IDO2: variants seen among roughly 807,000 people sequenced by gnomAD.
The protein encoded by IDO2 is indoleamine 2,3-dioxygenase 2.
IDO2 carries 46 observed loss-of-function variants against 45.1 expected under a neutral mutation model. The observed-to-expected ratio is 1.02, with a 90% CI of 0.80 to 1.30. The LOEUF is 1.30. Among genes scored for constraint, IDO2 ranks in the 50% most tolerant of loss-of-function variants. IDO2 has a pLI of 0.00. For synonymous variants in IDO2, 218 were observed against 184.9 expected, an observed-to-expected ratio of 1.18 and a Z score of -1.45; for missense variants, 544 against 491.8, an observed-to-expected ratio of 1.11 and a Z score of -1.00.
At chr8:39,973,961 A>G (rs929572864) in intron 3 of IDO2, among the ~76,000 whole-genome samples, 3 of 152,076 alleles carry the variant, frequency 2.0e-5, no homozygotes, top group Non-Finnish European at 4.4e-5. Flanking sequence ...GCTGGTCTTG[A>G]ATTCCTGACC....
intron 2 of IDO2, among the ~76,000 whole-genome samples, chr8:39,962,524 A>T (rs1351569518): frequency 6.6e-6 from 1 of 152,178 alleles, no homozygotes; most frequent in Admixed American, 6.5e-5. Flanking sequence ...TTGATGCAGG[A>T]TTTTCTGCTC....
chr8:39,961,904 A>G (rs1192026263), intron 2 of IDO2, among the ~76,000 whole-genome samples: 1 of 152,192 alleles, frequency 6.6e-6, no homozygotes, highest in East Asian at 1.9e-4. Context: ...GCACTGAGAA[A>G]AAGAGCCTCA....
rs563356827 is a variant in IDO2 at position 39,967,249 on chromosome 8, G to A, written c.195+3546G>A. 3.3e-5 allele frequency among the ~76,000 whole-genome samples: 5 copies of A among 152,204 alleles called. No individual in the cohort carries two copies. In the East Asian group the frequency reaches 9.6e-4, roughly 29 times the overall value. On this transcript the variant is annotated intron_variant, in intron 3 of 10. Transcript: ENST00000502986. ...CCATAAGCAGATGGGTGGAGGAAAA[G>A]TAAAACTTCCAACATATAAGCACAA...
intron 5 of IDO2, among the ~76,000 whole-genome samples, chr8:39,983,626 G>T (rs1447221610): frequency 6.6e-6 from 1 of 152,152 alleles, no homozygotes; most frequent in Non-Finnish European, 1.5e-5. Flanking sequence ...CACTTTGGGA[G>T]GCTGAGGCAG....
intron 2 of IDO2, among the ~76,000 whole-genome samples, chr8:39,957,638 C>T (rs1563427090): frequency 1.3e-5 from 2 of 152,026 alleles, no homozygotes; most frequent in South Asian, 2.1e-4. Flanking sequence ...AAAATAAAAC[C>T]TTGATAGTTT....
Position 39,973,834 on chromosome 8 carries a change from C to T in IDO2, c.196-5233C>T, listed in dbSNP as rs1019695939. Among the ~76,000 whole-genome samples the T allele has an allele frequency of 3.3e-5, 5 of 151,756 alleles. No individual in the cohort carries two copies. The East Asian group carries it at 7.8e-4, about 24-fold the overall frequency. ...TCGGCTCACTGCAACCTCCACTTCC[C>T]GGGTTCAAGCGATTCTCCTGCCTCA... On this transcript the variant is annotated intron_variant, in intron 3 of 10. Coordinates refer to ENST00000502986, the Ensembl canonical transcript of IDO2.
chr8:40,010,481 G>A (rs1802294437), intron 9 of IDO2, among the ~76,000 whole-genome samples: 1 of 152,176 alleles, frequency 6.6e-6, no homozygotes, highest in Admixed American at 6.5e-5. Context: ...GCCTTCAGTT[G>A]CAAATCATCT....
chr8:39,942,451 C>A (rs1428957847), intron 1 of IDO2, among the ~76,000 whole-genome samples: 1 of 152,084 alleles, frequency 6.6e-6, no homozygotes, highest in Non-Finnish European at 1.5e-5. Context: ...TGAGACCAGC[C>A]TGGCCAACAT....
At chr8:39,952,740 G>GAA (rs1807830532) in intron 2 of IDO2, among the ~76,000 whole-genome samples, 1 of 152,042 alleles carries the variant, frequency 6.6e-6, no homozygotes, top group Admixed American at 6.6e-5. Context: ...AGAGTGAAGA[G>GAA]AACTGAGAGA....
At chr8:39,983,237 C>T (rs1808379270) in intron 5 of IDO2, among the ~76,000 whole-genome samples, 1 of 152,170 alleles carries the variant, frequency 6.6e-6, no homozygotes. Context: ...ACCAAAGTCA[C>T]ATCATTCCTT....
At chr8:39,991,498 C>T (rs1185419647) in intron 8 of IDO2, among the ~76,000 whole-genome samples, 1 of 151,522 alleles carries the variant, frequency 6.6e-6, no homozygotes, top group Non-Finnish European at 1.5e-5. Context: ...GTGTACATAG[C>T]AGTAAGATGG....
chr8:39,947,080 T>C (rs1807743889), intron 1 of IDO2, among the ~76,000 whole-genome samples: 1 of 143,072 alleles, frequency 7.0e-6, no homozygotes, highest in African/African-American at 2.6e-5. Context: ...CGCTCGAACC[T>C]GGGAGGCAGA....
chr8:39,965,961 A>G (rs141804909), intron 3 of IDO2, among the ~76,000 whole-genome samples: 1 of 150,048 alleles, frequency 6.7e-6, no homozygotes, highest in African/African-American at 2.4e-5. Context: ...TTAAGTCATG[A>G]TGTTTGTGGT....
At chr8:39,979,901 C>T (rs551858746) in intron 4 of IDO2, among the ~76,000 whole-genome samples, 2 of 152,266 alleles carry the variant, frequency 1.3e-5, no homozygotes, top group South Asian at 4.1e-4. Context: ...CTCACTGCAG[C>T]CTCAACTCCT....
chr8:39,956,266 T>C (rs1451517699), intron 2 of IDO2, among the ~76,000 whole-genome samples: 3 of 152,012 alleles, frequency 2.0e-5, no homozygotes, highest in Non-Finnish European at 2.9e-5. Flanking sequence ...TTCCCCATGT[T>C]GGCCAGGCTG....
intron 1 of IDO2, among the ~76,000 whole-genome samples, chr8:39,946,265 CCGT>C (rs1422459287): frequency 6.6e-6 from 1 of 152,174 alleles, no homozygotes; most frequent in East Asian, 1.9e-4. Context: ...CATCTCTGAC[CCGT>C]CAGCACTCCT....
intron 3 of IDO2, among the ~76,000 whole-genome samples, chr8:39,973,745 CTT>C (rs11440885): frequency 1.4e-5 from 2 of 146,040 alleles, no homozygotes; most frequent in Admixed American, 6.9e-5. Context: ...TCGTTTTCTT[CTT>C]TTTTTTTTTT....
At chr8:39,995,605 G>C (rs1802030778) in intron 8 of IDO2, among the ~76,000 whole-genome samples, 1 of 152,044 alleles carries the variant, frequency 6.6e-6, no homozygotes, top group African/African-American at 2.4e-5. Context: ...GGCACGAGCT[G>C]TTCCAGTATA....
chr8:39,956,752 T>A (rs1807908003), intron 2 of IDO2, among the ~76,000 whole-genome samples: 5 of 145,270 alleles, frequency 3.4e-5, no homozygotes, highest in Admixed American at 2.2e-4. Flanking sequence ...AATCTAAGCC[T>A]CATAGTAGTC....
Sources: gnomAD v4.1 joint callset for allele counts (sites outside exome capture counted in the v4.1 genomes callset) on GRCh38, gnomAD v4.1.1 for gene constraint, MANE v1.5 for transcripts, NCBI Gene and HGNC (gene_info 2026-07-23, HGNC 2026-07-21) for gene names.